Variants in MROH1 observed in about 807,000 individuals in gnomAD.
MROH1 encodes the protein maestro heat-like repeat-containing protein family member 1.
A neutral mutation model predicts 116.5 loss-of-function variants in MROH1; 117 were observed. The ratio of observed to expected loss-of-function variants is 1.00; its 90% confidence interval spans 0.86 to 1.17. The LOEUF (loss-of-function observed/expected upper bound fraction) is 1.17, where lower values mean the gene tolerates loss of function less well. Ranked by LOEUF, MROH1 falls within the 50% of genes most tolerant of loss-of-function variation. MROH1 has a pLI of 0.00. For missense variants in MROH1, 1,873 were observed against 1,338.5 expected (o/e 1.40, Z -6.23); for synonymous variants, 921 against 583.9 (o/e 1.58, Z -8.32).
At chr8:144,164,758 A>G (rs912941388) in intron 3 of MROH1, among the ~76,000 whole-genome samples, 2 of 152,134 alleles carry the variant, frequency 1.3e-5, no homozygotes, top group African/African-American at 4.8e-5. Flanking sequence ...AAAAATTAGC[A>G]GTTTTCAAAG....
intron 28 of MROH1, among the ~76,000 whole-genome samples, chr8:144,244,905 C>G (rs1841636812): frequency 6.6e-6 from 1 of 152,200 alleles, no homozygotes; most frequent in Non-Finnish European, 1.5e-5. Flanking sequence ...CCACCCTGTC[C>G]CTCCACAGTC....
intron 10 of MROH1, 130 bp downstream of exon 10, chr8:144,192,531 C>T: frequency 1.3e-6 from 1 of 775,766 alleles, no homozygotes. Flanking sequence ...CTGGGCATTC[C>T]CTGAAGGTCA....
intron 14 of MROH1, among the ~76,000 whole-genome samples, chr8:144,228,527 A>C (rs1838232763): frequency 6.6e-6 from 1 of 152,028 alleles, no homozygotes; most frequent in South Asian, 2.1e-4. Flanking sequence ...GCAGTGGCGC[A>C]ATATCAGCTC....
intron 22 of MROH1, among the ~76,000 whole-genome samples, chr8:144,242,000 G>A (rs988994223): frequency 2.6e-5 from 4 of 152,236 alleles, no homozygotes; most frequent in African/African-American, 9.6e-5. Flanking sequence ...CTTGCTGTGC[G>A]GATGGAGGCT....
intron 3 of MROH1, 67 bp from the exon 4 acceptor site, chr8:144,168,228 G>T (rs1258120664): frequency 4.1e-6 from 6 of 1,476,904 alleles, no homozygotes; most frequent in Admixed American, 2.2e-5. Flanking sequence ...CTGCAGGAGT[G>T]GCAGCCGAGG....
chr8:144,255,335 C>T (rs1194948491), intron 34 of MROH1, among the ~76,000 whole-genome samples, 174 bp from the exon 35 acceptor site: 3 of 152,228 alleles, frequency 2.0e-5, no homozygotes, highest in East Asian at 1.9e-4. Context: ...CCTGCCTCTA[C>T]CCCTGAGGGC....
intron 25 of MROH1, 70 bp from the exon 26 acceptor site, chr8:144,243,793 G>A: frequency 1.3e-6 from 1 of 744,978 alleles, no homozygotes; most frequent in South Asian, 1.4e-5. Context: ...TAGGCTGGGG[G>A]ACAGAGCTTG....
chr8:144,242,098 CGGCCCTCTGCTACCTCGGCCCTT>C (rs1841105403), intron 22 of MROH1: 3 of 566,182 alleles, frequency 5.3e-6, no homozygotes, highest in African/African-American at 3.8e-5. Flanking sequence ...CCTTGACCCT[CGGCCCTCTGCTACCTCGGCCCTT>C]GGCCCTCTGT....
chr8:144,225,163 C>T (rs1374845902), intron 14 of MROH1, among the ~76,000 whole-genome samples: 1 of 152,020 alleles, frequency 6.6e-6, no homozygotes, highest in African/African-American at 2.4e-5. Flanking sequence ...CTCAGCCTCC[C>T]GAGTAGGTGG....
rs543074099 is a variant in MROH1, at chr8:144,230,015, CAG to C, written c.1338+6788_1338+6789del. ...CGCCACTGCACTCTAGCCTGGGCGA[CAG>C]AGCTACACTCTGTCTCAAAAATAAT... On this transcript the variant is annotated intron_variant, in intron 14 of 43. Transcript: ENST00000326134. Among the ~76,000 whole-genome samples, 580 of 151,440 alleles carry C rather than the reference CAG, an allele frequency of 3.8e-3. 2 individuals carry two copies. The highest frequency in any genetic ancestry group is 7.0e-3 in the Non-Finnish European group (472 of 67,814).
In MROH1 at chr8:144,192,413, G is replaced by C; in HGVS notation, c.948+12G>C. ...CACTGCACTCCCAGGTAGGAGGCGG[G>C]CGTCAGGGGGCGGGTCCAGGTTCTG... On this transcript the variant is annotated intron_variant, in intron 10 of 43. Coordinates refer to ENST00000326134, the MANE Select transcript of MROH1 (RefSeq NM_032450.3). 1 of 1,570,166 alleles carries C rather than the reference G, an allele frequency of 6.4e-7. No homozygotes were observed. The highest frequency in any genetic ancestry group is 1.8e-5 in the Admixed American group (1 of 54,652).
rs551485150 is a variant in MROH1, at chr8:144,166,294, G to A, written c.23-2001G>A. ...TCCAACATATGGATTTTGGAGGGAC[G>A]TGGCGTGGAAGTTGTAGCAGCATTG... On this transcript the variant is annotated intron_variant, in intron 3 of 43. Transcript: ENST00000326134. 3.0e-4 allele frequency among the ~76,000 whole-genome samples: 46 copies of A among 152,358 alleles called. No individual in the cohort carries two copies. The South Asian group carries it at 9.5e-3, about 32-fold the overall frequency.
At chr8:144,217,503 T>G (rs963271419) in intron 12 of MROH1, among the ~76,000 whole-genome samples, 2 of 152,346 alleles carry the variant, frequency 1.3e-5, no homozygotes, top group Non-Finnish European at 2.9e-5. Flanking sequence ...ATGCTCAATC[T>G]ATCCAGGCTG....
At chr8:144,191,596 G>C in intron 8 of MROH1, 119 bp from the exon 9 acceptor site, 1 of 1,360,904 alleles carries the variant, frequency 7.3e-7, no homozygotes, top group Non-Finnish European at 9.9e-7. Flanking sequence ...CCCAGCCCCC[G>C]TAGCACCCAC....
chr8:144,163,965 C>A lies in MROH1; in HGVS notation c.22+117C>A. 1.8e-6 allele frequency: 2 copies of A among 1,095,408 alleles called. No homozygotes were observed. Among genetic ancestry groups the A allele is most frequent in the South Asian group, 1.6e-5 (1 of 62,508 alleles). 67.9% of individuals were successfully genotyped at this position (1,095,408 alleles called of 1,614,324 possible). ...GTGCCTAGAGTTTCCACCCTATACT[C>A]GGGAGCCTGAGTGGGTTCTGGGCAG... On this transcript the variant is annotated intron_variant, in intron 3 of 43. Transcript: ENST00000326134. The surrounding 1 kb of genome is among the most constrained non-coding windows in gnomAD (Gnocchi z 4.4).
intron 14 of MROH1, among the ~76,000 whole-genome samples, chr8:144,232,515 A>T (rs1025222474): frequency 6.8e-6 from 1 of 146,906 alleles, no homozygotes; most frequent in African/African-American, 2.6e-5. Context: ...TATTTTTGAG[A>T]CAGAGTCTTG....
chr8:144,157,564 C>T (rs1176012746), intron 1 of MROH1, among the ~76,000 whole-genome samples: 3 of 151,340 alleles, frequency 2.0e-5, no homozygotes, highest in Admixed American at 6.6e-5. Flanking sequence ...ACTATGAGTT[C>T]GATTTCTTTT....
rs1207931378 is a variant in MROH1 at position 144,189,120 on chromosome 8, C to T, written c.563-1664C>T. ...TGCTTTGGAGCAGGGCCTGTAGCAGCGAGCTATTGGGATTGGCACTTGGCA... is the reference window on the plus strand; with the variant it reads ...TGCTTTGGAGCAGGGCCTGTAGCAGTGAGCTATTGGGATTGGCACTTGGCA... On this transcript the variant is annotated intron_variant, in intron 7 of 43. Transcript: ENST00000326134. 2.0e-5 allele frequency among the ~76,000 whole-genome samples: 3 copies of T among 152,188 alleles called. 1 individual carries two copies. The highest frequency in any genetic ancestry group is 7.2e-5 in the African/African-American group (3 of 41,442).
intron 12 of MROH1, chr8:144,212,919 C>T: frequency 1.4e-6 from 1 of 717,512 alleles, no homozygotes; most frequent in Admixed American, 1.8e-5. Flanking sequence ...TATCTCTGTT[C>T]TCAGGAATCC....
Sources: allele counts gnomAD v4.1 joint callset (sites outside exome capture counted in the v4.1 genomes callset), GRCh38; gene constraint gnomAD v4.1.1; non-coding constraint Gnocchi (gnomAD v3.1); transcripts MANE v1.5; gene names NCBI Gene and HGNC (gene_info 2026-07-23, HGNC 2026-07-21).